PPARGC1A: variants seen among roughly 807,000 people sequenced by gnomAD.
The protein encoded by PPARGC1A is PPARG coactivator 1 alpha.
PPARGC1A carries 25 observed loss-of-function variants against 88.7 expected under a neutral mutation model. The observed-to-expected ratio is 0.28, with a 90% confidence interval of 0.21 to 0.39. The LOEUF (loss-of-function observed/expected upper bound fraction) is 0.39. PPARGC1A is among the 10% of genes least tolerant of loss of function. The probability of loss-of-function intolerance (pLI) is 1.00; values close to 1 mark genes in which losing one functional copy is unlikely to be tolerated. For missense variants in PPARGC1A, 880 were observed against 968.7 expected, an observed-to-expected ratio of 0.91 and a Z score of 1.22; for synonymous variants, 363 against 355.6, an observed-to-expected ratio of 1.02 and a Z score of -0.24.
chr4:23,962,310 T>C, the PPARGC1A span, among the ~76,000 whole-genome samples: 1 of 152,098 alleles, frequency 6.6e-6, no homozygotes, highest in Non-Finnish European at 1.5e-5. Context: ...GTTACCTAAG[T>C]GGATCACATT....
chr4:24,140,728 C>T, the PPARGC1A span, among the ~76,000 whole-genome samples: 2 of 152,170 alleles, frequency 1.3e-5, no homozygotes, highest in Non-Finnish European at 2.9e-5. Flanking sequence ...AGGATTTGTT[C>T]AAACCCCTAG....
the PPARGC1A span, among the ~76,000 whole-genome samples, chr4:24,344,018 T>C: frequency 6.6e-6 from 1 of 152,260 alleles, no homozygotes; most frequent in Admixed American, 6.5e-5. Flanking sequence ...CTGAGTTACC[T>C]CACTTAGAAT....
chr4:23,950,213 A>G, the PPARGC1A span, among the ~76,000 whole-genome samples: 1 of 152,244 alleles, frequency 6.6e-6, no homozygotes, highest in East Asian at 1.9e-4. Context: ...CTTCCCTGAG[A>G]ATCTTATTAT....
the PPARGC1A span, among the ~76,000 whole-genome samples, chr4:23,910,236 AATATATATAAATATATATT>A: frequency 9.5e-6 from 1 of 105,420 alleles, no homozygotes; most frequent in Non-Finnish European, 1.8e-5. Flanking sequence ...TATTATATAT[AATATATATAAATATATATT>A]ATATATATTA....
chr4:23,944,411 C>G, the PPARGC1A span, among the ~76,000 whole-genome samples: 7 of 152,180 alleles, frequency 4.6e-5, no homozygotes, highest in African/African-American at 1.2e-4. Context: ...TCTTGTCTCC[C>G]TCCAGCTTCA....
the PPARGC1A span, among the ~76,000 whole-genome samples, chr4:24,399,875 G>A: frequency 2.9e-4 from 44 of 150,710 alleles, 1 homozygote; most frequent in African/African-American, 9.5e-4. Context: ...TGCAACCTCT[G>A]CCTTCCGGAT....
the PPARGC1A span, among the ~76,000 whole-genome samples, chr4:23,915,941 T>C: frequency 1.3e-5 from 2 of 152,228 alleles, no homozygotes; most frequent in Non-Finnish European, 2.9e-5. Flanking sequence ...ATGGCATAAC[T>C]GTGAAGCATC....
At chr4:24,297,668 T>C in the PPARGC1A span, among the ~76,000 whole-genome samples, 1 of 152,066 alleles carries the variant, frequency 6.6e-6, no homozygotes, top group Non-Finnish European at 1.5e-5. Context: ...TTGAAGGAAG[T>C]GGAAGCAGTG....
At chr4:23,822,720 C>G (rs1211139787) in intron 7 of PPARGC1A, among the ~76,000 whole-genome samples, 1 of 152,034 alleles carries the variant, frequency 6.6e-6, no homozygotes, top group African/African-American at 2.4e-5. Context: ...AAAAACAAAT[C>G]TCCCTCAATC....
chr4:23,947,643 G>A, the PPARGC1A span, among the ~76,000 whole-genome samples: 5 of 151,930 alleles, frequency 3.3e-5, no homozygotes, highest in East Asian at 3.9e-4. Flanking sequence ...AAATCAAGAC[G>A]TGGCCCCTCT....
intron 12 of PPARGC1A, among the ~76,000 whole-genome samples, chr4:23,796,810 T>C (rs186753138): frequency 3.4e-4 from 52 of 152,264 alleles, no homozygotes; most frequent in African/African-American, 1.2e-3. Flanking sequence ...TGAAAACATT[T>C]ATTTGAAGGA....
the PPARGC1A span, among the ~76,000 whole-genome samples, chr4:24,192,325 T>C: frequency 6.6e-6 from 1 of 152,154 alleles, no homozygotes; most frequent in Admixed American, 6.5e-5. Context: ...TGACAATTAA[T>C]TGAGATGATA....
At chr4:24,100,551 G>A in the PPARGC1A span, among the ~76,000 whole-genome samples, 6 of 152,096 alleles carry the variant, frequency 3.9e-5, no homozygotes, top group South Asian at 2.1e-4. Flanking sequence ...AGTGCATGAC[G>A]CCGCCTCTGG....
the PPARGC1A span, among the ~76,000 whole-genome samples, chr4:24,324,082 T>G: frequency 3.3e-5 from 5 of 152,200 alleles, no homozygotes; most frequent in Non-Finnish European, 7.3e-5. Flanking sequence ...TGTTTAATCA[T>G]TGCAGAGACG....
chr4:24,373,214 A>C, the PPARGC1A span, among the ~76,000 whole-genome samples: 3 of 152,218 alleles, frequency 2.0e-5, no homozygotes, highest in Non-Finnish European at 4.4e-5. Flanking sequence ...TAATGAGGAA[A>C]CAGTCGGGTC....
chr4:24,425,908 C>T, the PPARGC1A span, among the ~76,000 whole-genome samples: 22 of 152,040 alleles, frequency 1.4e-4, no homozygotes, highest in Non-Finnish European at 2.8e-4. Context: ...AAGCTAACAA[C>T]GAAATAACAA....
chr4:24,472,395 A>G, the PPARGC1A span, among the ~76,000 whole-genome samples: 5 of 151,884 alleles, frequency 3.3e-5, no homozygotes. This position sits in a 1 kb window ranked among gnomAD's most constrained non-coding sequence, Gnocchi z 4.5. Flanking sequence ...GGGGTTTCCC[A>G]GGAGGAGCCG....
the PPARGC1A span, among the ~76,000 whole-genome samples, chr4:24,022,452 T>G: frequency 6.6e-6 from 1 of 152,256 alleles, no homozygotes; most frequent in East Asian, 1.9e-4. Flanking sequence ...CCCTCTCCCT[T>G]GCCAACTGTG....
In PPARGC1A at chr4:23,793,835, T is replaced by G. The variant is rs143875293; in HGVS notation, c.*1987A>C. ...TTCTGCAAAAGCTGAATTTCCCAAA[T>G]GAAGCACTTACACTCCAACCTGACA... is the stretch of plus-strand genomic sequence containing the variant. On this transcript the variant is annotated 3_prime_UTR_variant, in exon 13 of 13. Transcript: ENST00000264867. 6.6e-6 allele frequency: 1 copy of G among 152,430 alleles called. No homozygotes were observed. The highest frequency in any genetic ancestry group is 1.5e-5 in the Non-Finnish European group (1 of 67,994). The allele number at this position is 152,430 out of a possible 1,614,324, so 9.4% of individuals were successfully genotyped here. A position where few individuals can be genotyped will look rare whatever the true frequency, so the allele number is the denominator to read the frequency against.
Sources: allele counts gnomAD v4.1 joint callset (sites outside exome capture counted in the v4.1 genomes callset), GRCh38; gene constraint gnomAD v4.1.1; non-coding constraint Gnocchi (gnomAD v3.1); transcripts MANE v1.5; gene names NCBI Gene and HGNC (gene_info 2026-07-23, HGNC 2026-07-21).